DLGAP2: variants seen among roughly 807,000 people sequenced by gnomAD.
DLGAP2 encodes the protein DLG associated protein 2.
In DLGAP2, 26 loss-of-function variants were observed where a neutral mutation model predicts 100.3. The ratio of observed to expected loss-of-function variants is 0.26; its 90% CI spans 0.19 to 0.36. DLGAP2 has a LOEUF of 0.36. DLGAP2 is among the 10% of genes least tolerant of loss of function. DLGAP2 has a pLI of 1.00. For missense variants in DLGAP2, 1,858 were observed against 1,453.2 expected (o/e 1.28, Z -4.53); for synonymous variants, 886 against 630.1 (o/e 1.41, Z -6.08).
intron 1 of DLGAP2, among the ~76,000 whole-genome samples, chr8:806,440 A>C (rs1022138793): frequency 1.3e-5 from 2 of 152,154 alleles, no homozygotes; most frequent in African/African-American, 4.8e-5. Flanking sequence ...CAGGGGATCC[A>C]ATGCGCACCT....
At chr8:1,620,077 C>G (rs1797278171) in intron 6 of DLGAP2, among the ~76,000 whole-genome samples, 3 of 152,180 alleles carry the variant, frequency 2.0e-5, no homozygotes, top group South Asian at 2.1e-4. Flanking sequence ...CAGCCTTTCT[C>G]AAATCGCCTG....
At chr8:887,701 C>T (rs1205066680) in intron 1 of DLGAP2, among the ~76,000 whole-genome samples, 1 of 152,154 alleles carries the variant, frequency 6.6e-6, no homozygotes, top group African/African-American at 2.4e-5. Context: ...AATATTGACT[C>T]CCAGTCTCTT....
intron 13 of DLGAP2, among the ~76,000 whole-genome samples, chr8:1,695,477 G>T: frequency 7.0e-6 from 1 of 141,984 alleles, no homozygotes; most frequent in African/African-American, 2.8e-5. Flanking sequence ...TGGCACTACA[G>T]AAAGAGGGGG....
At chr8:1,654,175 G>T (rs140471762) in intron 8 of DLGAP2, among the ~76,000 whole-genome samples, 126 of 152,234 alleles carry the variant, frequency 8.3e-4, no homozygotes, top group East Asian at 5.0e-3. Context: ...TAGGTGTCCC[G>T]TGTACGCACA....
At chr8:1,227,607 C>G (rs1293911978) in intron 2 of DLGAP2, among the ~76,000 whole-genome samples, 1 of 152,042 alleles carries the variant, frequency 6.6e-6, no homozygotes, top group African/African-American at 2.4e-5. Context: ...AATTCTCAAG[C>G]ATTGCCATCT....
chr8:977,554 G>C (rs1021094358), intron 2 of DLGAP2, among the ~76,000 whole-genome samples: 8 of 152,262 alleles, frequency 5.3e-5, no homozygotes, highest in African/African-American at 1.7e-4. Flanking sequence ...ACTTATTTTT[G>C]AACTCATGCC....
intron 9 of DLGAP2, among the ~76,000 whole-genome samples, chr8:1,669,512 C>T (rs927086904): frequency 1.3e-5 from 2 of 152,246 alleles, no homozygotes; most frequent in African/African-American, 2.4e-5. Context: ...CACGGCCCAC[C>T]TCCTGCTTCC....
chr8:1,569,741 C>G (rs1029362741), intron 6 of DLGAP2, among the ~76,000 whole-genome samples: 1 of 152,240 alleles, frequency 6.6e-6, no homozygotes, highest in Non-Finnish European at 1.5e-5. Flanking sequence ...CACCAAGGCT[C>G]TCAGCTGAAG....
At chr8:1,412,560 T>C (rs1255378880) in intron 3 of DLGAP2, among the ~76,000 whole-genome samples, 1 of 152,222 alleles carries the variant, frequency 6.6e-6, no homozygotes, top group African/African-American at 2.4e-5. Context: ...GCCCCAGCCA[T>C]TCCAGCTGTG....
rs550374451 is a variant in DLGAP2 at position 1,224,620 on chromosome 8, G to A, written c.74-34231G>A. 1.0e-3 allele frequency among the ~76,000 whole-genome samples: 153 copies of A among 152,046 alleles called. 1 individual carries two copies. The highest frequency in any genetic ancestry group is 9.7e-4 in the East Asian group (5 of 5,180). ...GTTAAGCCTTTTATTAACTCATAAG[G>A]AGAAAAAAAGAGATGACTGAAATTA... On this transcript the variant is annotated intron_variant, in intron 2 of 14. Transcript: ENST00000637795.
chr8:1,549,388 C>G lies in DLGAP2; in HGVS notation c.935C>G (p.Pro312Arg). The change falls in exon 5 of 15, where the codon CCC becomes CGC. Residue 312 changes from proline to arginine, a missense_variant. Transcript: ENST00000637795. ...GACAGCGACAGCACCTATCGGACGC[C>G]CAGCGTGCTCAACCGGCACCACCTG... ...NLDSDSTYRT[P>R]SVLNRHHLGP... 1 of 1,613,492 alleles carries G rather than the reference C, an allele frequency of 6.2e-7. No individual in the cohort carries two copies.
chr8:1,633,064 T>G lies in DLGAP2; in HGVS notation c.1810+18T>G. 6.2e-7 allele frequency: 1 copy of G among 1,613,854 alleles called. No homozygotes were observed. The highest frequency in any genetic ancestry group is 8.5e-7 in the Non-Finnish European group (1 of 1,179,790). Reference sequence around the variant, plus strand: ...AACAGCAGGTAAGGGGACGCCATTTTCAGCCTTCCAGCGGGGACTCTAGAG... The same window carrying G: ...AACAGCAGGTAAGGGGACGCCATTTGCAGCCTTCCAGCGGGGACTCTAGAG... On this transcript the variant is annotated intron_variant, in intron 8 of 14. Transcript: ENST00000637795.
At chr8:1,274,314 C>CA (rs1799639596) in intron 3 of DLGAP2, among the ~76,000 whole-genome samples, 2 of 152,168 alleles carry the variant, frequency 1.3e-5, no homozygotes, top group Non-Finnish European at 2.9e-5. Flanking sequence ...CTTGTGCCCC[C>CA]ACACAGACTC....
intron 1 of DLGAP2, among the ~76,000 whole-genome samples, chr8:851,022 G>A (rs183730898): frequency 1.2e-4 from 19 of 152,316 alleles, no homozygotes; most frequent in Non-Finnish European, 1.6e-4. Context: ...AAAGATGAAA[G>A]ATGCACTGTC....
At chr8:934,634 G>T (rs527253210) in intron 2 of DLGAP2, among the ~76,000 whole-genome samples, 2 of 152,086 alleles carry the variant, frequency 1.3e-5, no homozygotes, top group Non-Finnish European at 2.9e-5. Flanking sequence ...TGGTGGGGAC[G>T]GTGGAGGCAG....
intron 3 of DLGAP2, among the ~76,000 whole-genome samples, chr8:1,353,887 G>A (rs1214304053): frequency 1.3e-5 from 2 of 152,114 alleles, no homozygotes; most frequent in African/African-American, 2.4e-5. Flanking sequence ...TATCCCTAGA[G>A]GGGAAAAAAA....
intron 6 of DLGAP2, among the ~76,000 whole-genome samples, chr8:1,580,603 T>G (rs1282123698): frequency 6.6e-6 from 1 of 152,144 alleles, no homozygotes; most frequent in Non-Finnish European, 1.5e-5. Flanking sequence ...ATTAGAAAGA[T>G]AGATCACATC....
intron 3 of DLGAP2, among the ~76,000 whole-genome samples, chr8:1,425,548 G>C (rs1300540115): frequency 1.3e-5 from 2 of 152,194 alleles, no homozygotes; most frequent in Non-Finnish European, 2.9e-5. Context: ...AGGGGCCCCA[G>C]AAGGCGTTCC....
intron 2 of DLGAP2, among the ~76,000 whole-genome samples, chr8:1,202,641 G>A (rs976679204): frequency 2.0e-5 from 3 of 152,172 alleles, no homozygotes; most frequent in Non-Finnish European, 2.9e-5. Flanking sequence ...CTGGGGATGG[G>A]GGGCCAGGCA....
Sources: gnomAD v4.1 joint callset for allele counts (sites outside exome capture counted in the v4.1 genomes callset) on GRCh38, gnomAD v4.1.1 for gene constraint, MANE v1.5 for transcripts, NCBI Gene and HGNC (gene_info 2026-07-23, HGNC 2026-07-21) for gene names.